The following TEKT4 variants were observed in gnomAD, a reference collection of about 807,000 sequenced individuals.
TEKT4 encodes the protein tektin-4.
A neutral mutation model predicts 46.0 loss-of-function variants in TEKT4; 46 were observed. The observed-to-expected ratio is 1.00, with a 90% CI of 0.79 to 1.28. The LOEUF (loss-of-function observed/expected upper bound fraction) is 1.28, where lower values mean the gene tolerates loss of function less well. Among genes scored for constraint, TEKT4 ranks in the 50% most tolerant of loss-of-function variants. The pLI, the probability that TEKT4 is intolerant of heterozygous loss-of-function variation, is 0.00. For missense variants in TEKT4, 790 were observed against 622.9 expected, an observed-to-expected ratio of 1.27 and a Z score of -2.85; for synonymous variants, 325 against 265.8, an observed-to-expected ratio of 1.22 and a Z score of -2.17.
In TEKT4 at chr2:94,874,817, ATC is replaced by A; in HGVS notation, c.757_758del (p.Leu253ValfsTer44). The A allele has an allele frequency of 6.2e-7, 1 of 1,602,552 alleles. No homozygotes were observed. Among genetic ancestry groups the A allele is most frequent in the South Asian group, 1.1e-5 (1 of 89,198 alleles). On this transcript the variant is annotated frameshift_variant, in exon 4 of 6. Transcript: ENST00000295201. LOFTEE classifies it high-confidence loss of function. ...ACCCGGGCCAAGTTCACGCAGGACA[ATC>A]TGTGCCGTGCCCAGCGCGAGCGCCT...
At chr2:94,873,931 G>C (rs782651605) in intron 2 of TEKT4, 34 bp from the exon 3 acceptor site, 1 of 1,612,006 alleles carries the variant, frequency 6.2e-7, no homozygotes, top group Non-Finnish European at 8.5e-7. Context: ...CCCTCCCTGG[G>C]CACACATCAA....
chr2:94,875,296 C>A (rs1210729529), intron 4 of TEKT4, among the ~76,000 whole-genome samples: 1 of 152,146 alleles, frequency 6.6e-6, no homozygotes, highest in African/African-American at 2.4e-5. Flanking sequence ...AGGGTCTCAG[C>A]GTGGCCTTTA....
In TEKT4 at chr2:94,871,755, G is replaced by A. The variant is rs1553394530; in HGVS notation, c.176G>A (p.Arg59His). ...YARYHQAFAD[R>H]DQSERQRHES... ...CGCTACCACCAGGCCTTCGCCGACC[G>A]CGACCAGTCGGAGCGGCAGCGGCAC... The change falls in exon 1 of 6, where the codon CGC becomes CAC. Residue 59 changes from arginine to histidine, a missense_variant. Arg to His is a conservative substitution (Grantham distance 29). Coordinates refer to ENST00000295201, the MANE Select transcript of TEKT4 (RefSeq NM_144705.4). The A allele has an allele frequency of 5.6e-6, 9 of 1,612,486 alleles. No homozygotes were observed. Among genetic ancestry groups the A allele is most frequent in the East Asian group, 2.2e-5 (1 of 44,882 alleles).
In TEKT4 at chr2:94,873,954, C is replaced by T; in HGVS notation, c.570-11C>T. ...GGGCACACATCAAGGCCCTGCCCCA[C>T]CCCGCCCCAGACTGAACCGGGAGCA... On this transcript the variant is annotated splice_polypyrimidine_tract_variant and intron_variant, in intron 2 of 5. Coordinates refer to ENST00000295201, the MANE Select transcript of TEKT4 (RefSeq NM_144705.4). 2.5e-6 allele frequency: 4 copies of T among 1,613,470 alleles called. No individual in the cohort carries two copies. Among genetic ancestry groups the T allele is most frequent in the Non-Finnish European group, 3.4e-6 (4 of 1,179,828 alleles).
At chr2:94,873,440 G>C in intron 1 of TEKT4, 80 bp from the exon 2 acceptor site, 1 of 1,605,882 alleles carries the variant, frequency 6.2e-7, no homozygotes, top group East Asian at 2.2e-5. Context: ...CTCAGGTGTT[G>C]ACCAAGGCCT....
intron 5 of TEKT4, among the ~76,000 whole-genome samples, chr2:94,876,287 C>A (rs1431115160): frequency 1.3e-5 from 2 of 152,166 alleles, no homozygotes; most frequent in African/African-American, 2.4e-5. Context: ...ATGGAAAGAA[C>A]TGAGCCTGGT....
At chr2:94,872,137 C>G (rs74442840) in intron 1 of TEKT4, 60 bp downstream of exon 1, 10 of 1,468,078 alleles carry the variant, frequency 6.8e-6, no homozygotes, top group South Asian at 1.4e-5. Flanking sequence ...CCCCCCCCCC[C>G]GCAGTTCATG....
Position 94,871,987 on chromosome 2 carries a change from C to T in TEKT4, c.408C>T (p.Pro136=). 6.3e-7 allele frequency: 1 copy of T among 1,599,976 alleles called. No homozygotes were observed. ...LERALDATEV[P]FSITTDNLQC... is the part of the protein sequence containing the mutation. Reference sequence around the variant, plus strand: ...GCGCCCTGGACGCCACAGAGGTGCCCTTCTCCATCACCACTGACAACCTGC... The same window carrying T: ...GCGCCCTGGACGCCACAGAGGTGCCTTTCTCCATCACCACTGACAACCTGC... Residue 136 remains proline (P), a synonymous_variant, in exon 1 of 6, where the codon CCC becomes CCT. Transcript: ENST00000295201.
Position 94,871,503 on chromosome 2 carries a change from T to C in TEKT4, c.-77T>C. The C allele has an allele frequency of 6.9e-7, 1 of 1,458,062 alleles. No individual in the cohort carries two copies. Among genetic ancestry groups the C allele is most frequent in the Non-Finnish European group, 9.0e-7 (1 of 1,106,104 alleles). The allele number at this position is 1,458,062 out of a possible 1,614,324, so 90.3% of individuals were successfully genotyped here. ...GACTGAGCCGTTGGAGCTGCCCCGC[T>C]GACCGCACTAGGCTGACCGCAACCG... On this transcript the variant is annotated 5_prime_UTR_variant, in exon 1 of 6. Coordinates refer to ENST00000295201, the MANE Select transcript of TEKT4 (RefSeq NM_144705.4).
chr2:94,871,981 G>A lies in TEKT4; in HGVS notation c.402G>A (p.Glu134=). 1 of 1,601,528 alleles carries A rather than the reference G, an allele frequency of 6.2e-7. No homozygotes were observed. Among genetic ancestry groups the A allele is most frequent in the Non-Finnish European group, 8.5e-7 (1 of 1,176,344 alleles). The change falls in exon 1 of 6, where the codon GAG becomes GAA. Residue 134 remains glutamate, a synonymous_variant. Transcript: ENST00000295201. ...TGGAGCGCGCCCTGGACGCCACAGA[G>A]GTGCCCTTCTCCATCACCACTGACA... ...QRLERALDAT[E]VPFSITTDNL...
At position 94,874,037 on chromosome 2, in the gene TEKT4, G is replaced by C. The variant is rs143585686; in HGVS notation, c.642G>C (p.Glu214Asp). 3 of 1,613,794 alleles carry C rather than the reference G, an allele frequency of 1.9e-6. No individual in the cohort carries two copies. The highest frequency in any genetic ancestry group is 2.7e-5 in the African/African-American group (2 of 75,056). Residue 214 changes from glutamate (E) to aspartate (D), a missense_variant, in exon 3 of 6, where the codon GAG (glutamate) becomes GAC (aspartate). Physicochemically the swap from Glu to Asp is conservative, Grantham distance 45 (BLOSUM62 2). Coordinates refer to ENST00000295201, the MANE Select transcript of TEKT4 (RefSeq NM_144705.4). ...SDKMEAYNID[E>D]TCGRHHSQST... ...AGATGGAGGCCTACAACATCGACGA[G>C]ACCTGCGGGCGCCACCACAGCCAGA...
chr2:94,874,795 C>G lies in TEKT4; in HGVS notation c.733C>G (p.Arg245Gly), dbSNP rs76696553. The part of the protein sequence containing the change: ...FQESASTPET[R>G]AKFTQDNLCR... ...CCGCAGCGCCTCCACCCCGGAGACCCGGGCCAAGTTCACGCAGGACAATCT... is the reference window on the plus strand; with the variant it reads ...CCGCAGCGCCTCCACCCCGGAGACCGGGGCCAAGTTCACGCAGGACAATCT... Residue 245 changes from arginine to glycine, a missense_variant, in exon 4 of 6, where the codon CGG becomes GGG. Transcript: ENST00000295201. 1.3e-6 allele frequency: 2 copies of G among 1,589,824 alleles called. No homozygotes were observed. Among genetic ancestry groups the G allele is most frequent in the Admixed American group, 1.7e-5 (1 of 57,328 alleles).
At position 94,871,832 on chromosome 2, in the gene TEKT4, C is replaced by T. The variant is rs782501921; in HGVS notation, c.253C>T (p.Gln85Ter). The change falls in exon 1 of 6, where the codon CAA becomes TAA. Residue 85 changes from glutamine to a stop codon, truncating the protein, a stop_gained. Coordinates refer to ENST00000295201, the MANE Select transcript of TEKT4 (RefSeq NM_144705.4). LOFTEE classifies it high-confidence loss of function. ...CCAGGCGCTGGCGCAGCGCACGCAG[C>T]AAGACTCCACGCGCACAGTGGGCGA... ...ETQALAQRTQ[Q>*]DSTRTVGERL... is the part of the protein sequence containing the mutation. The T allele has an allele frequency of 3.5e-5, 57 of 1,607,802 alleles. No homozygotes were observed. The highest frequency in any genetic ancestry group is 4.8e-5 in the Non-Finnish European group (57 of 1,178,140).
chr2:94,873,949 C>T lies in TEKT4; in HGVS notation c.570-16C>T. 1.2e-6 allele frequency: 2 copies of T among 1,612,526 alleles called. No individual in the cohort carries two copies. The highest frequency in any genetic ancestry group is 1.7e-4 in the Middle Eastern group (1 of 6,060). Reference sequence around the variant, plus strand: ...TCCCTGGGCACACATCAAGGCCCTGCCCCACCCCGCCCCAGACTGAACCGG... The same window carrying T: ...TCCCTGGGCACACATCAAGGCCCTGTCCCACCCCGCCCCAGACTGAACCGG... On this transcript the variant is annotated splice_polypyrimidine_tract_variant and intron_variant, in intron 2 of 5. Coordinates refer to ENST00000295201, the MANE Select transcript of TEKT4 (RefSeq NM_144705.4).
intron 1 of TEKT4, 53 bp downstream of exon 1, chr2:94,872,130 C>G (rs1402505469): frequency 2.0e-6 from 3 of 1,474,240 alleles, no homozygotes; most frequent in African/African-American, 1.4e-5. Context: ...GGAGGAGCCC[C>G]CCCCCCCGCA....
intron 5 of TEKT4, among the ~76,000 whole-genome samples, 187 bp downstream of exon 5, chr2:94,875,929 G>A (rs1251751132): frequency 2.0e-5 from 3 of 152,220 alleles, no homozygotes; most frequent in African/African-American, 7.2e-5. Context: ...ATGACACTGG[G>A]CAGGTCATGG....
chr2:94,874,262 A>G (rs1450919948), intron 3 of TEKT4, among the ~76,000 whole-genome samples, 154 bp downstream of exon 3: 1 of 152,158 alleles, frequency 6.6e-6, no homozygotes, highest in African/African-American at 2.4e-5. Flanking sequence ...TGAGCAAGCG[A>G]CCAAGACCTC....
rs782241400 is a variant in TEKT4, at chr2:94,875,581, T to C, written c.937-7T>C. The C allele has an allele frequency of 6.2e-7, 1 of 1,613,960 alleles. No homozygotes were observed. Among genetic ancestry groups the C allele is most frequent in the Non-Finnish European group, 8.5e-7 (1 of 1,179,956 alleles). On this transcript the variant is annotated splice_polypyrimidine_tract_variant and splice_region_variant and intron_variant, in intron 4 of 5. Transcript: ENST00000295201. ...CACAGGCCCAAGGAGAACTGTCCTG[T>C]CTGCAGACACTGCGGGAAATCACAG...
At position 94,875,702 on chromosome 2, in the gene TEKT4, CG is replaced by C; in HGVS notation, c.1053del (p.Asn353ThrfsTer14). The C allele has an allele frequency of 6.2e-7, 1 of 1,614,164 alleles. No homozygotes were observed. Among genetic ancestry groups the C allele is most frequent in the Non-Finnish European group, 8.5e-7 (1 of 1,179,998 alleles). Reference sequence around the variant, plus strand: ...GACCCGGCTGTACCTGCGCTCGCACCGGCCCAACATGGAGCTGTGCCGTGAC... The same window carrying C: ...GACCCGGCTGTACCTGCGCTCGCACCGCCCAACATGGAGCTGTGCCGTGAC... ...AQTRLYLRSH[R>X]PNMELCRDAA... On this transcript the variant is annotated frameshift_variant, in exon 5 of 6. Coordinates refer to ENST00000295201, the MANE Select transcript of TEKT4 (RefSeq NM_144705.4). LOFTEE classifies it high-confidence loss of function.
Sources: allele counts gnomAD v4.1 joint callset (sites outside exome capture counted in the v4.1 genomes callset), GRCh38; gene constraint gnomAD v4.1.1; transcripts MANE v1.5; gene names NCBI Gene and HGNC (gene_info 2026-07-23, HGNC 2026-07-21).